The following SYCP2 variants were observed in gnomAD, a reference collection of about 807,000 sequenced individuals.
SYCP2 encodes synaptonemal complex protein 2.
In SYCP2, 55 loss-of-function variants were observed where a neutral mutation model predicts 211.3. The ratio of observed to expected loss-of-function variants is 0.26; its 90% CI spans 0.21 to 0.33. SYCP2 has a LOEUF of 0.33. Ranked by LOEUF, SYCP2 falls within the 10% of genes least tolerant of loss-of-function variation. The pLI is 1.00. For missense variants in SYCP2, 1,731 were observed against 1,752.0 expected (o/e 0.99, Z 0.21); for synonymous variants, 570 against 555.2 (o/e 1.03, Z -0.37).
At chr20:59,919,134 A>G in intron 7 of SYCP2, 24 bp downstream of exon 7, 4 of 1,204,448 alleles carry the variant, frequency 3.3e-6, no homozygotes, top group Non-Finnish European at 4.8e-6. Flanking sequence ...TATTGTTCCA[A>G]TAGAAAATAA....
intron 2 of SYCP2, among the ~76,000 whole-genome samples, chr20:59,922,780 T>C (rs1194583984): frequency 6.6e-6 from 1 of 151,722 alleles, no homozygotes; most frequent in Non-Finnish European, 1.5e-5. Flanking sequence ...CTGCTATACT[T>C]GTTCCACCTC....
chr20:59,895,353 C>T, intron 20 of SYCP2, 84 bp downstream of exon 20: 1 of 1,137,760 alleles, frequency 8.8e-7, no homozygotes, highest in Non-Finnish European at 1.2e-6. Flanking sequence ...GAGACACTTG[C>T]AGCTTGCAAA....
At chr20:59,897,761 T>C (rs1489851939) in intron 18 of SYCP2, among the ~76,000 whole-genome samples, 1 of 152,026 alleles carries the variant, frequency 6.6e-6, no homozygotes, top group African/African-American at 2.4e-5. Flanking sequence ...TAGTAAAAAC[T>C]GAAATAATCA....
intron 2 of SYCP2, 69 bp downstream of exon 2, chr20:59,931,993 A>T (rs1055741128): frequency 3.9e-5 from 6 of 152,212 alleles, no homozygotes; most frequent in African/African-American, 1.2e-4. Context: ...AGGAACTACT[A>T]CTATGTAACA....
In SYCP2 at chr20:59,901,643, A is replaced by G; in HGVS notation, c.1182+19T>C. 1 of 1,349,888 alleles carries G rather than the reference A, an allele frequency of 7.4e-7. No homozygotes were observed. 83.6% of individuals were successfully genotyped at this position (1,349,888 alleles called of 1,614,324 possible). ...AGAATTATGAAAATAGTAAATATTT[A>G]TTAAGTTTAAAGACTTACCCTATGT... is the stretch of plus-strand genomic sequence containing the variant. On this transcript the variant is annotated intron_variant, in intron 16 of 44. Transcript: ENST00000357552.
Position 59,864,399 on chromosome 20 carries a change from G to C in SYCP2, c.4516-11C>G. The C allele has an allele frequency of 7.1e-7, 1 of 1,402,114 alleles. No homozygotes were observed. The highest frequency in any genetic ancestry group is 1.5e-5 in the South Asian group (1 of 65,912). The allele number at this position is 1,402,114 out of a possible 1,614,324, so 86.9% of individuals were successfully genotyped here. On this transcript the variant is annotated splice_polypyrimidine_tract_variant and intron_variant, in intron 44 of 44. Coordinates refer to ENST00000357552, the MANE Select transcript of SYCP2 (RefSeq NM_014258.4). ...AAGCTCCTCTTCTAGCTATAGCCAA[G>C]AAAAAAAAAATCACACTTAGATTTC...
chr20:59,871,477 C>G (rs78524874), intron 35 of SYCP2, among the ~76,000 whole-genome samples: 2 of 151,882 alleles, frequency 1.3e-5, no homozygotes, highest in African/African-American at 4.8e-5. Context: ...AGTGTCCAGC[C>G]AATGAATATG....
chr20:59,867,042 G>GA (rs747079673), intron 39 of SYCP2, among the ~76,000 whole-genome samples: 50 of 91,496 alleles, frequency 5.5e-4, no homozygotes, highest in African/African-American at 2.0e-3. Flanking sequence ...AAAAGAAACA[G>GA]AAAAAACAAG....
chr20:59,914,861 A>T (rs780081073), intron 10 of SYCP2, among the ~76,000 whole-genome samples: 1 of 151,970 alleles, frequency 6.6e-6, no homozygotes, highest in Non-Finnish European at 1.5e-5. Context: ...TTAATCTATT[A>T]ATTTAAGCTT....
intron 38 of SYCP2, 113 bp from the exon 39 acceptor site, chr20:59,867,960 A>G (rs1004415485): frequency 1.4e-6 from 1 of 703,212 alleles, no homozygotes; most frequent in Admixed American, 3.4e-5. Context: ...GTGTAACCTA[A>G]GGATTATGAA....
At chr20:59,894,043 TATAACA>T (rs545202254) in intron 20 of SYCP2, among the ~76,000 whole-genome samples, 3 of 152,074 alleles carry the variant, frequency 2.0e-5, no homozygotes, top group East Asian at 1.9e-4. Context: ...GTTTTTTATT[TATAACA>T]ATATCTATTG....
Position 59,892,660 on chromosome 20 carries a change from T to C in SYCP2, c.1835A>G (p.His612Arg). The change falls in exon 23 of 45, where the codon CAC becomes CGC. Residue 612 changes from histidine to arginine, a missense_variant. Physicochemically the swap from His to Arg is conservative, Grantham distance 29 (BLOSUM62 0). Around this residue, in one of 3 missense-constraint regions of SYCP2, gnomAD observed 1,387 missense variants for 1,351.3 expected, o/e 1.03. Transcript: ENST00000357552. ...AGGTGTCCAACATGCCCATTTGCTG[T>C]GTATTTTATTTCCACAGATGTTGTC... is the stretch of plus-strand genomic sequence containing the variant. The part of the protein sequence containing the change: ...VLDNICGNKI[H>R]SKWACWTPVT... 6.2e-7 allele frequency: 1 copy of C among 1,609,884 alleles called. No individual in the cohort carries two copies. The highest frequency in any genetic ancestry group is 8.5e-7 in the Non-Finnish European group (1 of 1,177,878).
At chr20:59,894,272 G>T (rs2059964690) in intron 20 of SYCP2, among the ~76,000 whole-genome samples, 1 of 151,964 alleles carries the variant, frequency 6.6e-6, no homozygotes, top group South Asian at 2.1e-4. Flanking sequence ...ATATGCAGGT[G>T]TGGTTTGGGT....
At chr20:59,882,581 C>T (rs6070995) in intron 26 of SYCP2, among the ~76,000 whole-genome samples, 3,042 of 152,060 alleles carry the variant, frequency 0.02, 42 homozygotes, top group Middle Eastern at 0.041. Context: ...GTATATACAA[C>T]GAAATATTAT....
chr20:59,879,903 T>TACAC (rs749399882), intron 31 of SYCP2, among the ~76,000 whole-genome samples: 27 of 147,028 alleles, frequency 1.8e-4, no homozygotes, highest in African/African-American at 6.4e-4. Context: ...ATTTATTTTA[T>TACAC]ACACACACAC....
At chr20:59,871,890 T>A (rs923641713) in intron 35 of SYCP2, among the ~76,000 whole-genome samples, 45 of 151,978 alleles carry the variant, frequency 3.0e-4, no homozygotes, top group Admixed American at 2.8e-3. Flanking sequence ...TGTGGTTGAA[T>A]CCACAGATGT....
intron 31 of SYCP2, among the ~76,000 whole-genome samples, chr20:59,878,638 G>C (rs897099746): frequency 3.3e-5 from 5 of 151,882 alleles, no homozygotes; most frequent in African/African-American, 9.7e-5. Context: ...GAAATCTGCA[G>C]GTCTTAGTTA....
At chr20:59,930,509 C>A (rs1009720625) in intron 2 of SYCP2, among the ~76,000 whole-genome samples, 2 of 152,222 alleles carry the variant, frequency 1.3e-5, no homozygotes, top group African/African-American at 4.8e-5. Flanking sequence ...CTTCTTCCTT[C>A]TCTTTTTACT....
At position 59,892,696 on chromosome 20, in the gene SYCP2, G is replaced by A. The variant is rs1415266951; in HGVS notation, c.1799C>T (p.Pro600Leu). ...TCCACAGATGTTGTCTAAAACACCAGGTAATCTAGAAAATAAATTAATTTG... is the reference window on the plus strand; with the variant it reads ...TCCACAGATGTTGTCTAAAACACCAAGTAATCTAGAAAATAAATTAATTTG... The part of the protein sequence containing the change: ...AAEKRDHTIL[P>L]GVLDNICGNK... The change falls in exon 23 of 45, where the codon CCT becomes CTT. Residue 600 changes from proline (P) to leucine (L), a missense_variant. By Grantham distance (98) the Pro-to-Leu change is moderately conservative (BLOSUM62 -3). Around this residue, in one of 3 missense-constraint regions of SYCP2, gnomAD observed 1,387 missense variants for 1,351.3 expected, o/e 1.03. Coordinates refer to ENST00000357552, the MANE Select transcript of SYCP2 (RefSeq NM_014258.4). 2 of 1,597,456 alleles carry A rather than the reference G, an allele frequency of 1.3e-6. No homozygotes were observed. Among genetic ancestry groups the A allele is most frequent in the Middle Eastern group, 1.7e-4 (1 of 5,918 alleles).
Sources: gnomAD v4.1 joint callset for allele counts (sites outside exome capture counted in the v4.1 genomes callset) on GRCh38, gnomAD v4.1.1 for gene constraint, gnomAD v4.1.1 regional missense constraint, MANE v1.5 for transcripts, NCBI Gene and HGNC (gene_info 2026-07-23, HGNC 2026-07-21) for gene names.